PNMT: variants seen among roughly 807,000 people sequenced by gnomAD.
The protein encoded by PNMT is noradrenaline N-methyltransferase.
Under a neutral mutation model 18.9 loss-of-function variants are expected in PNMT, and 18 were observed. The ratio of observed to expected loss-of-function variants is 0.95; its 90% CI spans 0.66 to 1.41. The LOEUF (loss-of-function observed/expected upper bound fraction) is 1.41, where lower values mean the gene tolerates loss of function less well. PNMT is among the 40% of genes most tolerant of loss of function. PNMT has a pLI of 0.00. For missense variants in PNMT, 378 were observed against 387.0 expected, an observed-to-expected ratio of 0.98 and a Z score of 0.20; for synonymous variants, 167 against 168.6, an observed-to-expected ratio of 0.99 and a Z score of 0.08.
At chr17:39,668,247 G>A (rs56873336), upstream of PNMT, 354 of 424,052 alleles carry the variant, frequency 8.3e-4, 1 homozygote, top group African/African-American at 6.9e-3. Flanking sequence ...GGAGCCGGGG[G>A]TGTGGGGGAC....
rs534241743 is a variant in PNMT at position 39,669,538 on chromosome 17, G to A, written c.203-91G>A. 3.1e-5 allele frequency: 27 copies of A among 866,402 alleles called. No homozygotes were observed. In the African/African-American group the frequency reaches 3.8e-4, roughly 12 times the overall value. The allele number at this position is 866,402 out of a possible 1,614,324, so 53.7% of individuals were successfully genotyped here. ...GCAGAGGAGAAGGAAGAACTAGAGA[G>A]AGGCAGGGAGATGCAGGGGAGGGAA... On this transcript the variant is annotated intron_variant, in intron 1 of 2. Transcript: ENST00000269582.
chr17:39,670,138 C>G lies in PNMT; in HGVS notation c.598C>G (p.His200Asp). ...DLASFQRALDHITTLLRPGGH... is the reference protein window; with the variant it reads ...DLASFQRALDDITTLLRPGGH... ...TGCCAGCTTTCAGCGGGCCCTGGAC[C>G]ACATCACCACGCTGCTGAGGCCTGG... The change falls in exon 3 of 3, where the codon CAC becomes GAC. Residue 200 changes from histidine (H) to aspartate (D), a missense_variant. His to Asp is a moderately conservative substitution (Grantham distance 81). Transcript: ENST00000269582. 6.2e-7 allele frequency: 1 copy of G among 1,611,832 alleles called. No homozygotes were observed. The highest frequency in any genetic ancestry group is 1.1e-5 in the South Asian group (1 of 91,060).
At chr17:39,668,261 T>C, upstream of PNMT, 1 of 429,900 alleles carries the variant, frequency 2.3e-6, no homozygotes, top group Admixed American at 4.5e-5. Flanking sequence ...GGGGGACGAT[T>C]GCCGCTGCAG....
At chr17:39,668,218 G>A, upstream of PNMT, 1 of 394,944 alleles carries the variant, frequency 2.5e-6, no homozygotes, top group Non-Finnish European at 4.5e-6. Context: ...CGGAGGGCGA[G>A]GGCTGCGGGA....
At position 39,669,824 on chromosome 17, in the gene PNMT, T is replaced by C. The variant is rs151192070; in HGVS notation, c.398T>C (p.Ile133Thr). ...WSMYSQHACL[I>T]EGKGECWQDK... ...ATGTACAGCCAACATGCCTGCCTCA[T>C]TGAGGGCAAGGGGTAAGGACTGGGG... The change falls in exon 2 of 3, where the codon ATT becomes ACT. Residue 133 changes from isoleucine (I) to threonine (T), a missense_variant. Transcript: ENST00000269582. 148 of 1,613,590 alleles carry C rather than the reference T, an allele frequency of 9.2e-5. No individual in the cohort carries two copies. The highest frequency in any genetic ancestry group is 7.5e-4 in the African/African-American group (56 of 74,984).
upstream of PNMT, chr17:39,668,145 T>C (rs568612217): frequency 1.5e-3 from 266 of 172,794 alleles, 1 homozygote; most frequent in Admixed American, 5.1e-3. Context: ...CTAAAGATTG[T>C]GGGGGTGAGG....
intron 1 of PNMT, among the ~76,000 whole-genome samples, chr17:39,669,395 T>C (rs2057279244): frequency 1.3e-5 from 2 of 152,142 alleles, no homozygotes; most frequent in Non-Finnish European, 2.9e-5. Context: ...GGTATAGTCT[T>C]CTAGATGTGA....
In PNMT at chr17:39,668,490, C is replaced by T; in HGVS notation, c.15C>T (p.Asp5=). The T allele has an allele frequency of 1.3e-6, 2 of 1,518,110 alleles. No individual in the cohort carries two copies. The highest frequency in any genetic ancestry group is 1.8e-6 in the Non-Finnish European group (2 of 1,138,536). 94.0% of individuals were successfully genotyped at this position (1,518,110 alleles called of 1,614,324 possible). A position where few individuals can be genotyped will look rare whatever the true frequency, so the allele number is the denominator to read the frequency against. The change falls in exon 1 of 3, where the codon GAC becomes GAT. Residue 5 remains aspartate, a synonymous_variant. Coordinates refer to ENST00000269582, the MANE Select transcript of PNMT (RefSeq NM_002686.4). ...GCGGCGGCAGCATGAGCGGCGCAGA[C>T]CGTAGCCCCAATGCGGGCGCAGCCC... The part of the protein sequence containing the change: MSGA[D]RSPNAGAAPD...
chr17:39,668,194 C>T (rs925277901), upstream of PNMT: 5 of 258,370 alleles, frequency 1.9e-5, no homozygotes, highest in Non-Finnish European at 2.5e-5. Context: ...GGACTCGGGG[C>T]GGGGCAGGCG....
Position 39,670,174 on chromosome 17 carries a change from C to T in PNMT, c.634C>T (p.Leu212Phe), listed in dbSNP as rs769755357. The change falls in exon 3 of 3, where the codon CTC (leucine) becomes TTC (phenylalanine). Residue 212 changes from leucine to phenylalanine, a missense_variant. Coordinates refer to ENST00000269582, the MANE Select transcript of PNMT (RefSeq NM_002686.4). Reference sequence around the variant, plus strand: ...GCTGCTGAGGCCTGGGGGGCACCTCCTCCTCATCGGGGCCCTGGAGGAGTC... The same window carrying T: ...GCTGCTGAGGCCTGGGGGGCACCTCTTCCTCATCGGGGCCCTGGAGGAGTC... Reference protein sequence around the residue: ...TTLLRPGGHLLLIGALEESWY... With the variant: ...TTLLRPGGHLFLIGALEESWY... 6.2e-7 allele frequency: 1 copy of T among 1,612,172 alleles called. No individual in the cohort carries two copies. The highest frequency in any genetic ancestry group is 1.7e-5 in the Admixed American group (1 of 59,966).
rs760633852 is a variant in PNMT, at chr17:39,669,982, C to T, written c.442C>T (p.Arg148Ter). The change falls in exon 3 of 3, where the codon CGA (arginine) becomes TGA (stop). Residue 148 changes from arginine to a stop codon, truncating the protein, a stop_gained. Coordinates refer to ENST00000269582, the MANE Select transcript of PNMT (RefSeq NM_002686.4). LOFTEE classifies it high-confidence loss of function. Reference protein sequence around the residue: ...ECWQDKERQLRARVKRVLPID... With the variant: ...ECWQDKERQL ...CTGGCAGGATAAGGAGCGCCAGCTG[C>T]GAGCCAGGGTGAAACGGGTCCTGCC... is the stretch of plus-strand genomic sequence containing the variant. 2.1e-5 allele frequency: 34 copies of T among 1,601,746 alleles called. No individual in the cohort carries two copies. Among genetic ancestry groups the T allele is most frequent in the South Asian group, 8.8e-5 (8 of 90,872 alleles).
Position 39,669,643 on chromosome 17 carries a change from C to T in PNMT, c.217C>T (p.Arg73Cys), listed in dbSNP as rs202144149. 118 of 1,613,946 alleles carry T rather than the reference C, an allele frequency of 7.3e-5. 1 individual carries two copies. The highest frequency in any genetic ancestry group is 2.1e-4 in the South Asian group (19 of 91,074). Residue 73 changes from arginine to cysteine, a missense_variant, in exon 2 of 3, where the codon CGC (arginine) becomes TGC (cysteine). Coordinates refer to ENST00000269582, the MANE Select transcript of PNMT (RefSeq NM_002686.4). ...GCCCTGCCCAGGTGAAGTGTCCGGA[C>T]GCACCCTCATCGACATTGGTTCAGG... Reference protein sequence around the residue: ...QTFATGEVSGRTLIDIGSGPT... With the variant: ...QTFATGEVSGCTLIDIGSGPT...
chr17:39,669,478 T>A (rs1474741755), intron 1 of PNMT, 151 bp from the exon 2 acceptor site: 1 of 643,464 alleles, frequency 1.6e-6, no homozygotes. Context: ...AGTCTAACTC[T>A]GGGGCCAATG....
Position 39,670,354 on chromosome 17 carries a change from GTCT to G in PNMT, c.820_822del (p.Phe274del), listed in dbSNP as rs772125645. 6.3e-7 allele frequency: 1 copy of G among 1,595,938 alleles called. No homozygotes were observed. Among genetic ancestry groups the G allele is most frequent in the African/African-American group, 1.3e-5 (1 of 74,662 alleles). On this transcript the variant is annotated inframe_deletion, in exon 3 of 3. Coordinates refer to ENST00000269582, the MANE Select transcript of PNMT (RefSeq NM_002686.4). ...GACAGGCGTAGATGATGTCAAGGGCGTCTTCTTCGCCTGGGCTCAGAAGGTTGG... is the reference window on the plus strand; with the variant it reads ...GACAGGCGTAGATGATGTCAAGGGCGTCTTCGCCTGGGCTCAGAAGGTTGG...
chr17:39,668,636 G>A lies in PNMT; in HGVS notation c.161G>A (p.Gly54Glu). ...RGDLCNPNGV[G>E]PWKLRCLAQT... is the part of the protein sequence containing the mutation. ...GACCTGTGCAACCCGAACGGCGTCGGGCCGTGGAAGCTGCGCTGCTTGGCG... is the reference window on the plus strand; with the variant it reads ...GACCTGTGCAACCCGAACGGCGTCGAGCCGTGGAAGCTGCGCTGCTTGGCG... Residue 54 changes from glycine to glutamate, a missense_variant, in exon 1 of 3, where the codon GGG becomes GAG. Physicochemically the swap from Gly to Glu is moderately conservative, Grantham distance 98. Transcript: ENST00000269582. 1.2e-6 allele frequency: 2 copies of A among 1,602,178 alleles called. No individual in the cohort carries two copies.
At chr17:39,669,134 A>G (rs1370351593) in intron 1 of PNMT, among the ~76,000 whole-genome samples, 1 of 152,014 alleles carries the variant, frequency 6.6e-6, no homozygotes, top group Non-Finnish European at 1.5e-5. Context: ...AGGCTGGAGT[A>G]CAATGGCGCC....
chr17:39,668,183 G>A (rs2057269669), upstream of PNMT: 1 of 353,582 alleles, frequency 2.8e-6, no homozygotes. Context: ...GCCCAGAGGC[G>A]GGACTCGGGG....
intron 1 of PNMT, among the ~76,000 whole-genome samples, chr17:39,668,950 C>T (rs941556862): frequency 6.6e-6 from 1 of 152,110 alleles, no homozygotes. Flanking sequence ...GGTGGAGATG[C>T]ATAGGAGGAA....
At chr17:39,668,394 GCGGACCGGTCGGGGCGGGGGT>G, upstream of PNMT, 1 of 1,218,706 alleles carries the variant, frequency 8.2e-7, no homozygotes, top group Non-Finnish European at 1.1e-6. Flanking sequence ...CGCCCCCACA[GCGGACCGGTCGGGGCGGGGGT>G]CGGGCGGTAG....
Sources: gnomAD v4.1 joint callset for allele counts (sites outside exome capture counted in the v4.1 genomes callset) on GRCh38, gnomAD v4.1.1 for gene constraint, MANE v1.5 for transcripts, NCBI Gene and HGNC (gene_info 2026-07-23, HGNC 2026-07-21) for gene names.